The following PRELID2 variants were observed in gnomAD, a reference collection of about 807,000 sequenced individuals.
PRELID2 encodes PRELI domain containing 2, also known as PRELI domain-containing protein 2.
In PRELID2, 25 loss-of-function variants were observed where a neutral mutation model predicts 28.4. The observed-to-expected ratio is 0.88, with a 90% CI of 0.64 to 1.23. The LOEUF is 1.23. Among genes scored for constraint, PRELID2 ranks in the 50% most tolerant of loss-of-function variants. The pLI is 0.00. For synonymous variants in PRELID2, 76 were observed against 71.6 expected (o/e 1.06, Z -0.31); for missense variants, 201 against 214.4 (o/e 0.94, Z 0.39).
chr5:145,825,553 A>C (rs1429522127), intron 1 of PRELID2, among the ~76,000 whole-genome samples: 1 of 152,242 alleles, frequency 6.6e-6, no homozygotes. Flanking sequence ...CAAATTCAAC[A>C]TAAGTTGTAG....
intron 1 of PRELID2, among the ~76,000 whole-genome samples, chr5:145,548,218 T>TA (rs1752804092): frequency 6.6e-6 from 1 of 152,208 alleles, no homozygotes. Context: ...CTAACATATT[T>TA]ACTAGCCTCT....
chr5:145,754,718 T>C (rs1428765229), downstream of PRELID2, among the ~76,000 whole-genome samples: 1 of 152,226 alleles, frequency 6.6e-6, no homozygotes, highest in African/African-American at 2.4e-5. Flanking sequence ...ATTGATGTCT[T>C]ACAATTCTGC....
chr5:145,401,601 G>C, the PRELID2 span, among the ~76,000 whole-genome samples: 1 of 152,010 alleles, frequency 6.6e-6, no homozygotes, highest in African/African-American at 2.4e-5. Flanking sequence ...CTTGTGTGAG[G>C]ACTCCCTCTT....
At chr5:145,459,623 A>G in the PRELID2 span, among the ~76,000 whole-genome samples, 7 of 152,118 alleles carry the variant, frequency 4.6e-5, no homozygotes, top group South Asian at 2.1e-4. Context: ...ATATTATAAA[A>G]TTTCCCCTAC....
the PRELID2 span, among the ~76,000 whole-genome samples, chr5:145,230,514 G>A: frequency 6.6e-6 from 1 of 152,112 alleles, no homozygotes; most frequent in African/African-American, 2.4e-5. Context: ...GGGAGGTGGA[G>A]GTTGCAGTGA....
At chr5:145,560,656 T>C (rs942213608) in intron 1 of PRELID2, among the ~76,000 whole-genome samples, 1 of 152,248 alleles carries the variant, frequency 6.6e-6, no homozygotes, top group African/African-American at 2.4e-5. Flanking sequence ...GTCCCTTTGC[T>C]ATCTATTTTG....
At chr5:145,527,752 C>T (rs1291054336) in intron 1 of PRELID2, among the ~76,000 whole-genome samples, 1 of 152,178 alleles carries the variant, frequency 6.6e-6, no homozygotes. Context: ...CGCTATGCCT[C>T]TGATTCCTAG....
At chr5:145,591,101 G>A (rs1490334574) in intron 1 of PRELID2, among the ~76,000 whole-genome samples, 2 of 151,962 alleles carry the variant, frequency 1.3e-5, no homozygotes, top group Non-Finnish European at 2.9e-5. Flanking sequence ...TTCAAGAACA[G>A]CCTTTGCAAC....
At chr5:145,703,264 CAG>C (rs1301502667) in intron 1 of PRELID2, among the ~76,000 whole-genome samples, 1 of 152,180 alleles carries the variant, frequency 6.6e-6, no homozygotes, top group African/African-American at 2.4e-5. Context: ...GCAATTGATC[CAG>C]AGTCAGAGTG....
At chr5:145,232,431 C>T in the PRELID2 span, among the ~76,000 whole-genome samples, 3 of 152,072 alleles carry the variant, frequency 2.0e-5, no homozygotes, top group African/African-American at 7.2e-5. Context: ...GGCCAGATTC[C>T]ACACTGGTAC....
chr5:145,813,983 C>G (rs1332326029), intron 4 of PRELID2, among the ~76,000 whole-genome samples: 1 of 152,112 alleles, frequency 6.6e-6, no homozygotes, highest in Admixed American at 6.5e-5. Context: ...AACAAACAAC[C>G]TAAGTTTCAA....
At chr5:145,653,462 C>T (rs183883173) in intron 1 of PRELID2, among the ~76,000 whole-genome samples, 128 of 152,352 alleles carry the variant, frequency 8.4e-4, no homozygotes, top group African/African-American at 2.9e-3. Context: ...CTAAGCACCA[C>T]GTCGCAATTA....
intron 1 of PRELID2, among the ~76,000 whole-genome samples, chr5:145,631,483 T>C (rs1753931909): frequency 6.6e-6 from 1 of 152,184 alleles, no homozygotes; most frequent in South Asian, 2.1e-4. Context: ...TTCTTCCTTA[T>C]CCTACAGGCT....
intron 1 of PRELID2, among the ~76,000 whole-genome samples, chr5:145,730,824 T>C (rs955046647): frequency 2.0e-5 from 3 of 151,960 alleles, no homozygotes; most frequent in African/African-American, 7.2e-5. Context: ...AGCCCTAAGA[T>C]AAACCCCCTC....
chr5:145,805,304 G>A (rs533186938), intron 4 of PRELID2, among the ~76,000 whole-genome samples: 6 of 152,134 alleles, frequency 3.9e-5, no homozygotes, highest in South Asian at 2.1e-4. Context: ...AGTGTTTAGC[G>A]TTTGCTAGAT....
chr5:145,329,708 C>A, the PRELID2 span, among the ~76,000 whole-genome samples: 1 of 152,126 alleles, frequency 6.6e-6, no homozygotes, highest in Non-Finnish European at 1.5e-5. Flanking sequence ...TCTAAATATA[C>A]AATCATGTCA....
At chr5:145,562,383 T>C (rs188445801) in intron 1 of PRELID2, among the ~76,000 whole-genome samples, 1 of 152,310 alleles carries the variant, frequency 6.6e-6, no homozygotes, top group East Asian at 1.9e-4. Context: ...ATTTATGGCG[T>C]AAACATCAAT....
intron 1 of PRELID2, among the ~76,000 whole-genome samples, chr5:145,496,870 C>G (rs950472215): frequency 4.6e-5 from 7 of 151,888 alleles, no homozygotes; most frequent in African/African-American, 1.7e-4. Context: ...TGGTTTTGTT[C>G]GTTTTTTTTA....
At chr5:145,422,397 C>T in the PRELID2 span, among the ~76,000 whole-genome samples, 7 of 152,110 alleles carry the variant, frequency 4.6e-5, no homozygotes, top group Admixed American at 4.6e-4. Flanking sequence ...TCAGGACTTG[C>T]TTTGTGAATC....
Sources: gnomAD v4.1 joint callset for allele counts (sites outside exome capture counted in the v4.1 genomes callset) on GRCh38, gnomAD v4.1.1 for gene constraint, MANE v1.5 for transcripts, NCBI Gene and HGNC (gene_info 2026-07-23, HGNC 2026-07-21) for gene names.